Variants in PCDHA5 observed in about 807,000 individuals in gnomAD.
PCDHA5 encodes protocadherin alpha-5.
A neutral mutation model predicts 61.6 loss-of-function variants in PCDHA5; 43 were observed. That is an observed-to-expected ratio of 0.70 (90% confidence interval 0.55 to 0.90). The LOEUF is 0.90. Among genes scored for constraint, PCDHA5 ranks in the 40% least tolerant of loss-of-function variants. PCDHA5 has a pLI of 0.00. For missense variants in PCDHA5, 1,298 were observed against 1,222.7 expected (o/e 1.06, Z -0.92); for synonymous variants, 627 against 543.9 (o/e 1.15, Z -2.13).
chr5:140,962,143 G>C (rs964011627), intron 1 of PCDHA5, among the ~76,000 whole-genome samples: 1 of 151,968 alleles, frequency 6.6e-6, no homozygotes, highest in Non-Finnish European at 1.5e-5. Flanking sequence ...CCAAAGTGCT[G>C]GGATTACAGG....
At chr5:140,863,631 G>A (rs2048100597) in intron 1 of PCDHA5, 1 of 306,834 alleles carries the variant, frequency 3.3e-6, no homozygotes, top group Non-Finnish European at 6.4e-6. Flanking sequence ...CATTGATAAT[G>A]TTCACCAAGT....
rs564306575 is a variant in PCDHA5, at chr5:140,927,833, A to G, written c.2353-51116A>G. On this transcript the variant is annotated intron_variant, in intron 1 of 3. Coordinates refer to ENST00000529859, the MANE Select transcript of PCDHA5 (RefSeq NM_018908.3). Reference sequence around the variant, plus strand: ...TTGGAGGCATACATTGAGGCGAGGGACGAAGGTGTCTTTGGTTTAGCTAGC... The same window carrying G: ...TTGGAGGCATACATTGAGGCGAGGGGCGAAGGTGTCTTTGGTTTAGCTAGC... 5.0e-6 allele frequency: 8 copies of G among 1,614,044 alleles called. No individual in the cohort carries two copies. Among genetic ancestry groups the G allele is most frequent in the African/African-American group, 4.0e-5 (3 of 74,914 alleles).
In PCDHA5 at chr5:140,829,496, C is replaced by A. The variant is rs2150168834; in HGVS notation, c.2352+5369C>A. 13 of 1,613,648 alleles carry A rather than the reference C, an allele frequency of 8.1e-6. No individual in the cohort carries two copies. The East Asian group carries it at 2.2e-4, about 28-fold the overall frequency. ...CACAGTGTTCGTGAAGGAGAACAAC[C>A]CGCCGGGCTGCCACATCTTCACGGT... On this transcript the variant is annotated intron_variant, in intron 1 of 3. Coordinates refer to ENST00000529859, the MANE Select transcript of PCDHA5 (RefSeq NM_018908.3).
In PCDHA5 at chr5:141,011,945, A is replaced by G. The variant is rs1588262929; in HGVS notation, c.*2008A>G. On this transcript the variant is annotated 3_prime_UTR_variant, in exon 4 of 4. Transcript: ENST00000529859. ...AGGTAGGAGTCTGTTATTTAAAAAAAGCATTAAATTTAAAAAAAAACTGTC... is the reference window on the plus strand; with the variant it reads ...AGGTAGGAGTCTGTTATTTAAAAAAGGCATTAAATTTAAAAAAAAACTGTC... 6.5e-6 allele frequency: 1 copy of G among 153,752 alleles called. No individual in the cohort carries two copies. The highest frequency in any genetic ancestry group is 1.5e-5 in the Non-Finnish European group (1 of 68,044). The allele number at this position is 153,752 out of a possible 1,614,324, so 9.5% of individuals were successfully genotyped here. A position where few individuals can be genotyped will look rare whatever the true frequency, so the allele number is the denominator to read the frequency against.
At chr5:140,836,548 G>A in intron 1 of PCDHA5, 2 of 1,613,750 alleles carry the variant, frequency 1.2e-6, no homozygotes, top group Admixed American at 1.7e-5. Flanking sequence ...ACGGCGTTGC[G>A]GTGCTCAGCG....
chr5:140,993,266 T>G (rs1049781348), intron 3 of PCDHA5, among the ~76,000 whole-genome samples: 1 of 152,182 alleles, frequency 6.6e-6, no homozygotes, highest in Non-Finnish European at 1.5e-5. Flanking sequence ...AATTAGCTTC[T>G]TTGGTCTTTT....
intron 1 of PCDHA5, among the ~76,000 whole-genome samples, chr5:140,931,490 C>T (rs1209591038): frequency 6.6e-6 from 1 of 151,888 alleles, no homozygotes; most frequent in Non-Finnish European, 1.5e-5. Flanking sequence ...ACCCTTCAAA[C>T]CAAATTTTTA....
intron 1 of PCDHA5, among the ~76,000 whole-genome samples, chr5:140,895,223 G>A (rs782692616): frequency 4.0e-4 from 61 of 152,232 alleles, no homozygotes; most frequent in Admixed American, 2.6e-4. Flanking sequence ...ATATTTTACT[G>A]AGTTTTCTCA....
At chr5:140,852,575 C>G (rs913886842) in intron 1 of PCDHA5, 6 of 798,922 alleles carry the variant, frequency 7.5e-6, no homozygotes, top group African/African-American at 1.9e-5. Flanking sequence ...TGTGCCAAGG[C>G]TTTTTTATTT....
intron 1 of PCDHA5, among the ~76,000 whole-genome samples, chr5:140,953,778 A>T (rs782648195): frequency 2.0e-5 from 3 of 151,986 alleles, no homozygotes; most frequent in Non-Finnish European, 2.9e-5. Context: ...ATATTTATTT[A>T]TTTTTTTCTT....
At position 140,843,439 on chromosome 5, in the gene PCDHA5, G is replaced by C. The variant is rs2150360020; in HGVS notation, c.2352+19312G>C. On this transcript the variant is annotated intron_variant, in intron 1 of 3. Transcript: ENST00000529859. The stretch of plus-strand genomic sequence containing the variant: ...TGTACCTGATCATCGCCATCTGCGC[G>C]GTATCCAGCCTGCTGGTGCTCACGC... The C allele has an allele frequency of 5.1e-5, 82 of 1,595,976 alleles. 7 individuals carry two copies. In the South Asian group the frequency reaches 8.6e-4, roughly 17 times the overall value.
intron 1 of PCDHA5, chr5:140,926,333 C>G (rs1244364456): frequency 6.6e-6 from 1 of 152,288 alleles, no homozygotes; most frequent in Non-Finnish European, 1.5e-5. Context: ...GGTCAGAGCG[C>G]CGGGACCCGA....
chr5:140,993,372 A>T (rs2097552472), intron 3 of PCDHA5, among the ~76,000 whole-genome samples: 1 of 151,976 alleles, frequency 6.6e-6, no homozygotes, highest in South Asian at 2.1e-4. Context: ...ACTACCTCCC[A>T]GCCGGGTCCC....
In PCDHA5 at chr5:140,950,226, T is replaced by A. The variant is rs1478539445; in HGVS notation, c.2353-28723T>A. ...TGTTTACCTAGTCATTTACCATTTC[T>A]AGTGCCATTAATTTGTTCCTAAAGA... On this transcript the variant is annotated intron_variant, in intron 1 of 3. Coordinates refer to ENST00000529859, the MANE Select transcript of PCDHA5 (RefSeq NM_018908.3). 5.9e-5 allele frequency among the ~76,000 whole-genome samples: 9 copies of A among 152,018 alleles called. No homozygotes were observed. The East Asian group carries it at 1.7e-3, about 29-fold the overall frequency.
At chr5:140,877,166 T>C in intron 1 of PCDHA5, 3 of 1,613,836 alleles carry the variant, frequency 1.9e-6, no homozygotes, top group Non-Finnish European at 2.5e-6. Context: ...GCGCCGGCAC[T>C]GCTGGCGACT....
chr5:140,979,797 C>T (rs1253949980), intron 2 of PCDHA5, among the ~76,000 whole-genome samples: 1 of 152,154 alleles, frequency 6.6e-6, no homozygotes, highest in African/African-American at 2.4e-5. Flanking sequence ...AACAAATGAT[C>T]ACAACTATCA....
At chr5:140,972,101 A>C (rs114554334) in intron 1 of PCDHA5, among the ~76,000 whole-genome samples, 3,080 of 152,290 alleles carry the variant, frequency 0.02, 42 homozygotes, top group Middle Eastern at 0.075. Flanking sequence ...CTGGCATAGA[A>C]GCAGGTAACA....
chr5:140,882,081 T>G, intron 1 of PCDHA5: 1 of 985,220 alleles, frequency 1.0e-6, no homozygotes, highest in Non-Finnish European at 1.5e-6. Context: ...ATGGTGTCGC[T>G]CTTCACTGAG....
chr5:140,996,848 G>A (rs560517454), intron 3 of PCDHA5, among the ~76,000 whole-genome samples: 1 of 152,254 alleles, frequency 6.6e-6, no homozygotes, highest in African/African-American at 2.4e-5. Flanking sequence ...TGCATCTTCA[G>A]AATTCTTTAT....
Sources: gnomAD v4.1 joint callset for allele counts (sites outside exome capture counted in the v4.1 genomes callset) on GRCh38, gnomAD v4.1.1 for gene constraint, MANE v1.5 for transcripts, NCBI Gene and HGNC (gene_info 2026-07-23, HGNC 2026-07-21) for gene names.